The following CLVS1 variants were observed in gnomAD, a reference collection of about 807,000 sequenced individuals.
The protein encoded by CLVS1 is clavesin-1.
A neutral mutation model predicts 33.1 loss-of-function variants in CLVS1; 10 were observed. The observed-to-expected ratio is 0.30, with a 90% CI of 0.19 to 0.51. CLVS1 has a LOEUF of 0.51. Ranked by LOEUF, CLVS1 falls within the 20% of genes least tolerant of loss-of-function variation. The pLI is 0.97. For synonymous variants in CLVS1, 163 were observed against 166.1 expected (o/e 0.98, Z 0.14); for missense variants, 343 against 433.4 (o/e 0.79, Z 1.85).
the CLVS1 span, among the ~76,000 whole-genome samples, chr8:60,979,562 A>C: frequency 1.3e-5 from 2 of 152,204 alleles, no homozygotes; most frequent in African/African-American, 4.8e-5. Context: ...GCAGACATTC[A>C]ACTGAAGTAA....
At chr8:60,966,684 A>G in the CLVS1 span, 4 of 218,000 alleles carry the variant, frequency 1.8e-5, no homozygotes, top group Non-Finnish European at 3.8e-5. Flanking sequence ...ACCATGCAGC[A>G]GCTGAAGTAA....
intron 2 of CLVS1, among the ~76,000 whole-genome samples, chr8:61,277,666 G>A (rs1169113600): frequency 6.6e-6 from 1 of 152,064 alleles, no homozygotes; most frequent in Non-Finnish European, 1.5e-5. Context: ...TTCTTATGGG[G>A]AAAACAAGAT....
At chr8:61,291,488 A>G (rs549113569) in intron 1 of CLVS1, among the ~76,000 whole-genome samples, 3 of 152,278 alleles carry the variant, frequency 2.0e-5, no homozygotes, top group African/African-American at 7.2e-5. Flanking sequence ...AGCTTATTCA[A>G]TTGTTCATTA....
intron 1 of CLVS1, among the ~76,000 whole-genome samples, chr8:61,089,493 A>G (rs16926816): frequency 0.32 from 48,021 of 151,964 alleles, 9,337 homozygotes; most frequent in African/African-American, 0.56. Context: ...TTTTTTTCCT[A>G]TAGCTGGGTC....
chr8:61,479,630 C>G (rs937559152), intron 5 of CLVS1, among the ~76,000 whole-genome samples: 6 of 152,230 alleles, frequency 3.9e-5, no homozygotes, highest in Admixed American at 1.3e-4. Context: ...TGGTGAGGAG[C>G]TGCATTCCTT....
chr8:61,441,939 T>C (rs1816566327), intron 3 of CLVS1, among the ~76,000 whole-genome samples: 1 of 152,190 alleles, frequency 6.6e-6, no homozygotes, highest in Non-Finnish European at 1.5e-5. Context: ...TGCCTCGCAA[T>C]TTATCATGGC....
chr8:61,217,729 A>C (rs1164225546), intron 2 of CLVS1, among the ~76,000 whole-genome samples: 3 of 152,238 alleles, frequency 2.0e-5, no homozygotes, highest in African/African-American at 7.2e-5. Context: ...CAACCCACAG[A>C]GTGGGAGAAA....
At chr8:61,131,777 T>A (rs1488077526) in exon 2 of CLVS1, 1 of 151,886 alleles carries the variant, frequency 6.6e-6, no homozygotes, top group Non-Finnish European at 1.5e-5. Context: ...AAGGGCCTAA[T>A]CAAGGGAATG....
chr8:61,364,924 T>G (rs1013926638), intron 2 of CLVS1, among the ~76,000 whole-genome samples: 1 of 152,002 alleles, frequency 6.6e-6, no homozygotes, highest in Non-Finnish European at 1.5e-5. Flanking sequence ...ACATACAGAG[T>G]TGCTTTACTA....
intron 1 of CLVS1, among the ~76,000 whole-genome samples, chr8:61,081,391 C>T (rs922128179): frequency 3.9e-5 from 6 of 152,112 alleles, no homozygotes; most frequent in Non-Finnish European, 8.8e-5. Context: ...TCCAAGCTTC[C>T]CCCAAGCACA....
chr8:61,224,024 T>C (rs946865089), intron 2 of CLVS1, among the ~76,000 whole-genome samples: 4 of 152,130 alleles, frequency 2.6e-5, no homozygotes, highest in African/African-American at 9.7e-5. Context: ...CATTAGGTCA[T>C]TTATGTTCCT....
At chr8:61,429,803 T>C (rs1405050211) in intron 3 of CLVS1, among the ~76,000 whole-genome samples, 2 of 152,220 alleles carry the variant, frequency 1.3e-5, no homozygotes, top group Non-Finnish European at 2.9e-5. Flanking sequence ...GAATTTGTGT[T>C]ACTAATAAAA....
chr8:61,023,549 T>C, the CLVS1 span, among the ~76,000 whole-genome samples: 1 of 152,256 alleles, frequency 6.6e-6, no homozygotes, highest in African/African-American at 2.4e-5. Context: ...AATTCATCTC[T>C]ATGGTGCCCA....
At chr8:61,081,614 G>T (rs7821545) in intron 1 of CLVS1, among the ~76,000 whole-genome samples, 52,487 of 152,016 alleles carry the variant, frequency 0.35, 10,201 homozygotes, top group East Asian at 0.58. Flanking sequence ...TGGGCATGTT[G>T]GTGATGATGT....
intron 1 of CLVS1, among the ~76,000 whole-genome samples, chr8:61,121,378 C>T (rs1403755010): frequency 1.3e-5 from 2 of 152,118 alleles, no homozygotes; most frequent in Admixed American, 6.6e-5. Context: ...TGTTCCTATT[C>T]GGCCATCTTG....
rs1330283320 is a variant in CLVS1, at chr8:61,499,553, A to C, written c.*11A>C. 2 of 1,607,156 alleles carry C rather than the reference A, an allele frequency of 1.2e-6. No homozygotes were observed. The highest frequency in any genetic ancestry group is 8.5e-7 in the Non-Finnish European group (1 of 1,174,010). The stretch of plus-strand genomic sequence containing the variant: ...CTGGCTCTGGACTGAACCCTGAGTC[A>C]CCCCAATGCTCCTGCACACTGGCCT... On this transcript the variant is annotated 3_prime_UTR_variant, in exon 6 of 6. Transcript: ENST00000325897.
intron 2 of CLVS1, among the ~76,000 whole-genome samples, chr8:61,321,155 T>G (rs1811181396): frequency 1.3e-5 from 2 of 152,178 alleles, no homozygotes; most frequent in South Asian, 4.1e-4. Flanking sequence ...TGTCCCAGTG[T>G]AGATTTTTCA....
At chr8:61,035,503 G>T in the CLVS1 span, among the ~76,000 whole-genome samples, 1 of 152,166 alleles carries the variant, frequency 6.6e-6, no homozygotes, top group African/African-American at 2.4e-5. Context: ...CTGGGTTCTT[G>T]TGGCCGGCCC....
intron 2 of CLVS1, among the ~76,000 whole-genome samples, chr8:61,143,560 C>G (rs1405133630): frequency 6.6e-6 from 1 of 152,014 alleles, no homozygotes; most frequent in Non-Finnish European, 1.5e-5. Flanking sequence ...TCATGTAGGA[C>G]TCCCATAAAG....
Sources: allele counts gnomAD v4.1 joint callset (sites outside exome capture counted in the v4.1 genomes callset), GRCh38; gene constraint gnomAD v4.1.1; transcripts MANE v1.5; gene names NCBI Gene and HGNC (gene_info 2026-07-23, HGNC 2026-07-21).